The following LBP variants were observed in gnomAD, a reference collection of about 807,000 sequenced individuals.
The protein encoded by LBP is lipopolysaccharide-binding protein.
A neutral mutation model predicts 56.6 loss-of-function variants in LBP; 53 were observed. The observed-to-expected ratio is 0.94, with a 90% confidence interval of 0.75 to 1.18. LBP has a LOEUF of 1.18. LBP is among the 50% of genes most tolerant of loss of function. The pLI is 0.00. For missense variants in LBP, 601 were observed against 598.3 expected, an observed-to-expected ratio of 1.00 and a Z score of -0.05; for synonymous variants, 227 against 247.5, an observed-to-expected ratio of 0.92 and a Z score of 0.78.
At chr20:38,373,008 GCA>G (rs775584196) in intron 12 of LBP, 62 bp from the exon 13 acceptor site, 156 of 1,394,194 alleles carry the variant, frequency 1.1e-4, no homozygotes, top group Non-Finnish European at 1.6e-4. Context: ...TGCTATGTTG[GCA>G]CACACAGAAC....
In LBP at chr20:38,354,289, T is replaced by C; in HGVS notation, c.374T>C (p.Leu125Pro). 1 of 1,612,956 alleles carries C rather than the reference T, an allele frequency of 6.2e-7. No individual in the cohort carries two copies. The highest frequency in any genetic ancestry group is 8.5e-7 in the Non-Finnish European group (1 of 1,179,456). ...GCTTCTCTTACCTCCTCCAGCAAAC[T>C]ACAGGGCTCCTTTGATGTCAGTGTC... ...RWKVRKSFFKLQGSFDVSVKG... is the reference protein window; with the variant it reads ...RWKVRKSFFKPQGSFDVSVKG... Residue 125 changes from leucine to proline, a missense_variant, in exon 4 of 15, where the codon CTA (leucine) becomes CCA (proline). Coordinates refer to ENST00000217407, the MANE Select transcript of LBP (RefSeq NM_004139.5).
intron 3 of LBP, 139 bp downstream of exon 3, chr20:38,351,078 G>T (rs778839669): frequency 1.9e-6 from 2 of 1,077,922 alleles, no homozygotes; most frequent in Non-Finnish European, 2.6e-6. Context: ...GTGGCCTGGG[G>T]ATTGAGTCCT....
chr20:38,360,826 A>G (rs1454134593), intron 6 of LBP, 59 bp downstream of exon 6: 1 of 1,273,868 alleles, frequency 7.9e-7, no homozygotes, highest in South Asian at 1.3e-5. Flanking sequence ...ATAAGAGCAT[A>G]TATATATCTT....
At chr20:38,350,729 G>A (rs1568826862) in intron 2 of LBP, 82 bp from the exon 3 acceptor site, 1 of 1,473,270 alleles carries the variant, frequency 6.8e-7, no homozygotes, top group Non-Finnish European at 9.2e-7. Flanking sequence ...AGTCCCCACT[G>A]TGGAGAGGGG....
chr20:38,354,373 C>A lies in LBP; in HGVS notation c.458C>A (p.Thr153Lys), dbSNP rs757724440. Residue 153 changes from threonine to lysine, a missense_variant, in exon 4 of 15, where the codon ACA becomes AAA. Thr to Lys is a moderately conservative substitution (Grantham distance 78, BLOSUM62 -1). Coordinates refer to ENST00000217407, the MANE Select transcript of LBP (RefSeq NM_004139.5). ...GGCAGCGAGTCCTCCGGGAGGCCCA[C>A]AGTTACTGCCTCCAGCTGCAGCAGT... ...LLGSESSGRP[T>K]VTASSCSSDI... 3.5e-5 allele frequency: 56 copies of A among 1,613,540 alleles called. No homozygotes were observed. The South Asian group carries it at 4.3e-4, about 12-fold the overall frequency.
At chr20:38,355,193 G>T (rs962281121) in intron 4 of LBP, among the ~76,000 whole-genome samples, 153 bp from the exon 5 acceptor site, 1 of 152,228 alleles carries the variant, frequency 6.6e-6, no homozygotes, top group Non-Finnish European at 1.5e-5. Flanking sequence ...CAGACACACC[G>T]AATCAGGCTG....
intron 7 of LBP, 70 bp downstream of exon 7, chr20:38,364,136 G>A: frequency 9.6e-7 from 1 of 1,043,578 alleles, no homozygotes; most frequent in Non-Finnish European, 1.5e-6. Flanking sequence ...TGGGCCACCT[G>A]TCCCCCCAAC....
At chr20:38,367,559 C>T (rs1419229078) in intron 9 of LBP, among the ~76,000 whole-genome samples, 1 of 152,204 alleles carries the variant, frequency 6.6e-6, no homozygotes, top group Non-Finnish European at 1.5e-5. Context: ...CACATCCACT[C>T]CTATTCCCTA....
chr20:38,364,538 C>T (rs77224292), intron 7 of LBP, 38 bp from the exon 8 acceptor site: 387 of 1,607,972 alleles, frequency 2.4e-4, no homozygotes, highest in Non-Finnish European at 3.0e-4. Context: ...CCACGATAGG[C>T]TTTGAAAAGT....
intron 1 of LBP, 138 bp from the exon 2 acceptor site, chr20:38,349,410 C>T (rs559651172): frequency 5.9e-6 from 4 of 680,814 alleles, no homozygotes; most frequent in African/African-American, 3.5e-5. Context: ...CACAGAGGGG[C>T]TCATATCCTG....
At chr20:38,370,300 C>T (rs1435943523) in intron 10 of LBP, among the ~76,000 whole-genome samples, 1 of 152,078 alleles carries the variant, frequency 6.6e-6, no homozygotes, top group Non-Finnish European at 1.5e-5. Flanking sequence ...CGCTTGAGCC[C>T]AGGAGATTGA....
chr20:38,370,823 C>G lies in LBP; in HGVS notation c.1217+18C>G, dbSNP rs780604912. The G allele has an allele frequency of 7.5e-6, 12 of 1,605,048 alleles. No individual in the cohort carries two copies. The highest frequency in any genetic ancestry group is 1.0e-5 in the Non-Finnish European group (12 of 1,171,720). On this transcript the variant is annotated intron_variant, in intron 11 of 14. Transcript: ENST00000217407. Reference sequence around the variant, plus strand: ...CCAGGAAAGTAAGTTGGCCTCCTACCTACATGGGGGTGCCCAGCTGGACTC... The same window carrying G: ...CCAGGAAAGTAAGTTGGCCTCCTACGTACATGGGGGTGCCCAGCTGGACTC...
chr20:38,375,799 C>T (rs1319060762), intron 14 of LBP, among the ~76,000 whole-genome samples: 1 of 152,006 alleles, frequency 6.6e-6, no homozygotes, highest in Admixed American at 6.6e-5. Context: ...CTGCGCTGTG[C>T]CTGGTACATT....
At chr20:38,363,605 G>C (rs1238422683) in intron 6 of LBP, among the ~76,000 whole-genome samples, 1 of 152,186 alleles carries the variant, frequency 6.6e-6, no homozygotes, top group Non-Finnish European at 1.5e-5. Flanking sequence ...CAGGGTTTTG[G>C]AGGGGAGTGT....
In LBP at chr20:38,350,859, C is replaced by G. The variant is rs1453003857; in HGVS notation, c.288C>G (p.Val96=). ...CELLHSALRP[V]PGQGLSLSIS... is the part of the protein sequence containing the mutation. ...TGCTTCACTCTGCGCTGAGGCCTGT[C>G]CCTGGCCAGGGCCTGAGTCTCAGCA... The change falls in exon 3 of 15, where the codon GTC becomes GTG. Residue 96 remains valine (V), a synonymous_variant. Coordinates refer to ENST00000217407, the MANE Select transcript of LBP (RefSeq NM_004139.5). The G allele has an allele frequency of 6.2e-7, 1 of 1,613,986 alleles. No homozygotes were observed. The highest frequency in any genetic ancestry group is 1.1e-5 in the South Asian group (1 of 91,066).
At chr20:38,364,199 GAT>G in intron 7 of LBP, 133 bp downstream of exon 7, 1 of 671,800 alleles carries the variant, frequency 1.5e-6, no homozygotes, top group East Asian at 2.7e-5. Context: ...AGGGCCGGGT[GAT>G]ATGGAGTGGT....
intron 4 of LBP, 29 bp downstream of exon 4, chr20:38,354,468 G>A (rs777782191): frequency 6.3e-7 from 1 of 1,587,554 alleles, no homozygotes. Context: ...ACTGCCAGCT[G>A]GACTCCTGGT....
chr20:38,371,496 A>G (rs1393404367), intron 12 of LBP, among the ~76,000 whole-genome samples, 174 bp downstream of exon 12: 1 of 152,228 alleles, frequency 6.6e-6, no homozygotes, highest in Non-Finnish European at 1.5e-5. Flanking sequence ...GAACAGTTAT[A>G]TCCTAGTATA....
chr20:38,376,787 G>C lies in LBP; in HGVS notation c.*118G>C, dbSNP rs962009788. ...GACATTTCTGCTCTCAGCTCCGGGG[G>C]TGAGGTGTGCCTGGCCTCTGCCTCC... On this transcript the variant is annotated 3_prime_UTR_variant, in exon 15 of 15. Coordinates refer to ENST00000217407, the MANE Select transcript of LBP (RefSeq NM_004139.5). The C allele has an allele frequency of 1.7e-5, 18 of 1,030,036 alleles. No homozygotes were observed. The highest frequency in any genetic ancestry group is 2.6e-5 in the Non-Finnish European group (17 of 660,720). The allele number at this position is 1,030,036 out of a possible 1,614,324, so 63.8% of individuals were successfully genotyped here.
Sources: allele counts gnomAD v4.1 joint callset (sites outside exome capture counted in the v4.1 genomes callset), GRCh38; gene constraint gnomAD v4.1.1; transcripts MANE v1.5; gene names NCBI Gene and HGNC (gene_info 2026-07-23, HGNC 2026-07-21).